CNTN6: variants seen among roughly 807,000 people sequenced by gnomAD.
CNTN6 encodes contactin 6, also known as contactin-6.
A neutral mutation model predicts 122.8 loss-of-function variants in CNTN6; 137 were observed. The observed-to-expected ratio is 1.12, with a 90% confidence interval of 0.97 to 1.29. The LOEUF (loss-of-function observed/expected upper bound fraction) is 1.29, where lower values mean the gene tolerates loss of function less well. CNTN6 is among the 50% of genes most tolerant of loss of function. The pLI is 0.00. For synonymous variants in CNTN6, 570 were observed against 426.0 expected, an observed-to-expected ratio of 1.34 and a Z score of -4.16; for missense variants, 1,634 against 1,223.4, an observed-to-expected ratio of 1.34 and a Z score of -5.01.
At chr3:1,265,710 C>G (rs1031922030) in intron 4 of CNTN6, among the ~76,000 whole-genome samples, 1 of 152,162 alleles carries the variant, frequency 6.6e-6, no homozygotes, top group African/African-American at 2.4e-5. Flanking sequence ...CAAATGCAGT[C>G]AGACCACTTT....
At chr3:1,303,822 T>C (rs138918451) in intron 7 of CNTN6, among the ~76,000 whole-genome samples, 17 of 152,334 alleles carry the variant, frequency 1.1e-4, no homozygotes, top group African/African-American at 3.6e-4. Flanking sequence ...TAGGCAGTTG[T>C]TATACTACTG....
chr3:1,310,175 G>A (rs558276788), intron 7 of CNTN6, among the ~76,000 whole-genome samples: 1 of 152,218 alleles, frequency 6.6e-6, no homozygotes, highest in South Asian at 2.1e-4. Context: ...AGTGATAAGA[G>A]TAAACATGCT....
At chr3:1,195,650 G>T (rs1478305099) in intron 2 of CNTN6, among the ~76,000 whole-genome samples, 3 of 151,912 alleles carry the variant, frequency 2.0e-5, no homozygotes, top group Non-Finnish European at 2.9e-5. Context: ...CTTTGTTTAG[G>T]CTCCACCTGA....
intron 2 of CNTN6, among the ~76,000 whole-genome samples, chr3:1,216,595 G>A (rs1362362079): frequency 2.0e-5 from 3 of 152,214 alleles, no homozygotes; most frequent in South Asian, 4.1e-4. Context: ...TAAAATATAT[G>A]ACATAGCATC....
intron 4 of CNTN6, among the ~76,000 whole-genome samples, chr3:1,251,412 G>C (rs114015670): frequency 6.6e-6 from 1 of 152,016 alleles, no homozygotes; most frequent in Admixed American, 6.6e-5. Context: ...CTCCTGCTTC[G>C]TCTTGTCATT....
intron 12 of CNTN6, among the ~76,000 whole-genome samples, chr3:1,360,798 A>G (rs1477029535): frequency 3.3e-5 from 5 of 152,008 alleles, no homozygotes; most frequent in South Asian, 2.1e-4. Context: ...CAAATTTACT[A>G]TATCCTAACC....
chr3:1,212,451 A>ATG (rs1273731494), intron 2 of CNTN6, among the ~76,000 whole-genome samples: 15 of 151,020 alleles, frequency 9.9e-5, no homozygotes, highest in Non-Finnish European at 2.1e-4. Flanking sequence ...TAGTTTTTAT[A>ATG]TGTGTGTGTA....
At chr3:1,224,951 C>G (rs1266343532) in intron 3 of CNTN6, among the ~76,000 whole-genome samples, 1 of 151,920 alleles carries the variant, frequency 6.6e-6, no homozygotes, top group Admixed American at 6.6e-5. Context: ...TTTCACCATG[C>G]TGGCCAGGCT....
rs375425277 is a variant in CNTN6 at position 1,321,802 on chromosome 3, G to A, written c.914G>A (p.Arg305Lys). ...YECIASNLRG[R>K]NLAKGQLIFY... ...TGCATTGCAAGCAACCTTCGAGGAA[G>A]AAACCTTGCAAAGGGTCAACTCATT... Residue 305 changes from arginine (R) to lysine (K), a missense_variant, in exon 8 of 23, where the codon AGA becomes AAA. Arg to Lys is a conservative substitution (Grantham distance 26). Transcript: ENST00000446702. The A allele has an allele frequency of 3.7e-6, 6 of 1,608,908 alleles. No individual in the cohort carries two copies. In the South Asian group the frequency reaches 6.6e-5, roughly 18 times the overall value.
At chr3:1,141,093 G>A (rs764126856) in intron 1 of CNTN6, among the ~76,000 whole-genome samples, 14 of 152,134 alleles carry the variant, frequency 9.2e-5, no homozygotes, top group South Asian at 2.1e-4. Flanking sequence ...AAATAACTCC[G>A]TGAATGCTAA....
chr3:1,102,412 T>C (rs959795024), intron 1 of CNTN6, among the ~76,000 whole-genome samples: 2 of 152,222 alleles, frequency 1.3e-5, no homozygotes, highest in Non-Finnish European at 2.9e-5. Context: ...CCGCTAATTT[T>C]CTATCAACAG....
chr3:1,183,247 G>A (rs986939771), intron 2 of CNTN6, among the ~76,000 whole-genome samples: 2 of 151,970 alleles, frequency 1.3e-5, no homozygotes, highest in Admixed American at 1.3e-4. Context: ...AAAATAAAAG[G>A]CACCTGTGAA....
intron 1 of CNTN6, among the ~76,000 whole-genome samples, chr3:1,146,602 G>GT (rs1398107852): frequency 3.3e-5 from 5 of 151,828 alleles, no homozygotes; most frequent in African/African-American, 4.8e-5. Context: ...TGTGCGTAAG[G>GT]TTTTTTTTGT....
intron 4 of CNTN6, among the ~76,000 whole-genome samples, chr3:1,239,428 A>AAAAC (rs4065527): frequency 0.29 from 44,735 of 151,652 alleles, 6,805 homozygotes; most frequent in East Asian, 0.43. Context: ...AATATCTGCA[A>AAAAC]AAACAAACAA....
chr3:1,366,743 C>T (rs1708287647), intron 12 of CNTN6, among the ~76,000 whole-genome samples: 1 of 152,128 alleles, frequency 6.6e-6, no homozygotes, highest in African/African-American at 2.4e-5. Flanking sequence ...GGCTATTAGA[C>T]AGCCATCTGC....
chr3:1,255,467 G>GACAAT (rs1463830646), intron 4 of CNTN6, among the ~76,000 whole-genome samples: 1 of 151,700 alleles, frequency 6.6e-6, no homozygotes, highest in Non-Finnish European at 1.5e-5. Flanking sequence ...GGAGCCTATT[G>GACAAT]AGGAAAAAAG....
Position 1,285,912 on chromosome 3 carries a change from G to A in CNTN6, c.454+7404G>A, listed in dbSNP as rs570789219. 2.6e-5 allele frequency among the ~76,000 whole-genome samples: 4 copies of A among 152,300 alleles called. No homozygotes were observed. In the East Asian group the frequency reaches 7.7e-4, roughly 29 times the overall value. On this transcript the variant is annotated intron_variant, in intron 5 of 22. Transcript: ENST00000446702. The stretch of plus-strand genomic sequence containing the variant: ...GTCTACTGATTTGCCTAAAATTAGT[G>A]TACAGTGTTAGAACCAGGAAGCTCA...
chr3:1,357,873 C>T (rs1706834835), intron 12 of CNTN6, among the ~76,000 whole-genome samples: 2 of 144,466 alleles, frequency 1.4e-5, no homozygotes, highest in East Asian at 2.0e-4. Flanking sequence ...TGTAAATGCA[C>T]ATTTATGTAA....
At chr3:1,293,810 C>T (rs1695736514) in intron 5 of CNTN6, among the ~76,000 whole-genome samples, 1 of 152,182 alleles carries the variant, frequency 6.6e-6, no homozygotes. Flanking sequence ...TATTCTTCTA[C>T]TTCCCTAGAC....
Sources: gnomAD v4.1 joint callset for allele counts (sites outside exome capture counted in the v4.1 genomes callset) on GRCh38, gnomAD v4.1.1 for gene constraint, MANE v1.5 for transcripts, NCBI Gene and HGNC (gene_info 2026-07-23, HGNC 2026-07-21) for gene names.